Variants in METTL21C observed in about 807,000 individuals in gnomAD.
The protein encoded by METTL21C is methyltransferase 21C, AARS1 lysine, also known as protein-lysine methyltransferase METTL21C.
A neutral mutation model predicts 25.9 loss-of-function variants in METTL21C; 21 were observed. The observed-to-expected ratio is 0.81, with a 90% CI of 0.58 to 1.17. The LOEUF is 1.17. Ranked by LOEUF, METTL21C falls within the 50% of genes most tolerant of loss-of-function variation. The pLI, the probability that METTL21C is intolerant of heterozygous loss-of-function variation, is 0.00. For synonymous variants in METTL21C, 125 were observed against 124.7 expected (o/e 1.00, Z -0.01); for missense variants, 312 against 315.1 (o/e 0.99, Z 0.07).
At chr13:102,698,365 C>T (rs370037583), upstream of METTL21C, among the ~76,000 whole-genome samples, 70 of 152,248 alleles carry the variant, frequency 4.6e-4, no homozygotes, top group East Asian at 3.1e-3. Context: ...ATCATGAGGT[C>T]GGCCTGTTCT....
At position 102,685,940 on chromosome 13, in the gene METTL21C, C is replaced by T; in HGVS notation, c.*91G>A. 8 of 1,352,494 alleles carry T rather than the reference C, an allele frequency of 5.9e-6. No homozygotes were observed. The highest frequency in any genetic ancestry group is 8.0e-6 in the Non-Finnish European group (8 of 997,592). The allele number at this position is 1,352,494 out of a possible 1,614,324, so 83.8% of individuals were successfully genotyped here. A position where few individuals can be genotyped will look rare whatever the true frequency, so the allele number is the denominator to read the frequency against. The stretch of plus-strand genomic sequence containing the variant: ...ACAAGTTGTTTCTATGCACTACCTT[C>T]TCAATCCTGTGAAAGAAGTCTATTA... On this transcript the variant is annotated 3_prime_UTR_variant, in exon 4 of 4. Coordinates refer to ENST00000267273, the MANE Select transcript of METTL21C (RefSeq NM_001010977.3).
chr13:102,699,588 C>A (rs1886000456), upstream of METTL21C, among the ~76,000 whole-genome samples: 1 of 152,184 alleles, frequency 6.6e-6, no homozygotes, highest in African/African-American at 2.4e-5. Flanking sequence ...TGGGAATTCC[C>A]TCCCAGAGAA....
the METTL21C span, among the ~76,000 whole-genome samples, chr13:102,701,284 T>C: frequency 1.3e-5 from 2 of 152,116 alleles, no homozygotes; most frequent in African/African-American, 4.8e-5. Flanking sequence ...GTGGCCTAGA[T>C]GCGCCTCTTC....
At chr13:102,696,362 CA>C (rs1885947393), upstream of METTL21C, among the ~76,000 whole-genome samples, 2 of 151,540 alleles carry the variant, frequency 1.3e-5, no homozygotes, top group East Asian at 3.9e-4. Flanking sequence ...CTGGGCCTGT[CA>C]GGGGGTGGGG....
chr13:102,690,159 G>A (rs896532069), intron 2 of METTL21C, among the ~76,000 whole-genome samples: 7 of 152,118 alleles, frequency 4.6e-5, no homozygotes, highest in Non-Finnish European at 8.8e-5. Flanking sequence ...GGTGGTTCAC[G>A]CTTGTAATCC....
At chr13:102,690,711 A>G in intron 2 of METTL21C, 102 bp downstream of exon 2, 1 of 1,369,770 alleles carries the variant, frequency 7.3e-7, no homozygotes, top group Non-Finnish European at 9.9e-7. Context: ...CAAATTGAGA[A>G]GCAGGATATG....
Position 102,685,853 on chromosome 13 carries a change from AATCT to A in METTL21C, c.*174_*177del. ...TTTTAGATATTTAGATTAACCAGAT[AATCT>A]TAAATTATCTTAGAAATTAGAAAGT... On this transcript the variant is annotated 3_prime_UTR_variant, in exon 4 of 4. Transcript: ENST00000267273. The A allele has an allele frequency of 3.5e-6, 2 of 569,266 alleles. No individual in the cohort carries two copies. The highest frequency in any genetic ancestry group is 7.3e-5 in the South Asian group (2 of 27,420). 35.3% of individuals were successfully genotyped at this position (569,266 alleles called of 1,614,324 possible).
upstream of METTL21C, among the ~76,000 whole-genome samples, chr13:102,695,623 G>T (rs1885934707): frequency 6.6e-6 from 1 of 152,122 alleles, no homozygotes; most frequent in African/African-American, 2.4e-5. Context: ...ACTATTTTGT[G>T]TTCTTTATGT....
chr13:102,699,805 C>CG (rs1215295718), upstream of METTL21C, among the ~76,000 whole-genome samples: 1 of 152,154 alleles, frequency 6.6e-6, no homozygotes, highest in East Asian at 1.9e-4. Context: ...CTGCAATACC[C>CG]CCCCGACCCA....
chr13:102,689,411 G>C (rs1310025747), intron 2 of METTL21C, among the ~76,000 whole-genome samples: 2 of 152,232 alleles, frequency 1.3e-5, no homozygotes, highest in African/African-American at 2.4e-5. Flanking sequence ...CTGTTTGGGA[G>C]TGAGTGAAGG....
chr13:102,688,670 G>A (rs938644913), intron 2 of METTL21C, among the ~76,000 whole-genome samples: 2 of 152,158 alleles, frequency 1.3e-5, no homozygotes, highest in Admixed American at 6.5e-5. Flanking sequence ...ATTTGCTGTG[G>A]GGGCTGGGAG....
At chr13:102,692,070 G>A (rs1160007424) in intron 1 of METTL21C, among the ~76,000 whole-genome samples, 1 of 152,144 alleles carries the variant, frequency 6.6e-6, no homozygotes, top group Non-Finnish European at 1.5e-5. Context: ...GGTCAGTTTT[G>A]TTTGCACGAA....
At chr13:102,698,764 A>G (rs970850761), upstream of METTL21C, among the ~76,000 whole-genome samples, 1 of 149,848 alleles carries the variant, frequency 6.7e-6, no homozygotes, top group African/African-American at 2.5e-5. Flanking sequence ...CAATCATTAA[A>G]CTCTTTCTCT....
chr13:102,686,867 G>A, intron 3 of METTL21C, 73 bp downstream of exon 3: 1 of 1,237,228 alleles, frequency 8.1e-7, no homozygotes, highest in South Asian at 1.2e-5. Flanking sequence ...ACCACAGCCT[G>A]TCATAGAGTA....
chr13:102,702,962 A>G, the METTL21C span, among the ~76,000 whole-genome samples: 1 of 152,256 alleles, frequency 6.6e-6, no homozygotes, highest in Non-Finnish European at 1.5e-5. Flanking sequence ...GCCATTTGCT[A>G]TATAACAATA....
chr13:102,698,025 G>A (rs1202589536), upstream of METTL21C, among the ~76,000 whole-genome samples: 1 of 152,186 alleles, frequency 6.6e-6, no homozygotes, highest in African/African-American at 2.4e-5. Context: ...ACACATGAGC[G>A]AGGCCAGGAC....
chr13:102,687,131 A>C lies in METTL21C; in HGVS notation c.283-74T>G, dbSNP rs1277688370. The stretch of plus-strand genomic sequence containing the variant: ...CAGTAGCAACCCTTTCTGGCACCCA[A>C]ATTTAAATACTAAAAGACATGTTAT... On this transcript the variant is annotated intron_variant, in intron 2 of 3. Transcript: ENST00000267273. The C allele has an allele frequency of 1.6e-5, 17 of 1,060,214 alleles. No homozygotes were observed. In the East Asian group the frequency reaches 4.0e-4, roughly 25 times the overall value. The allele number at this position is 1,060,214 out of a possible 1,614,324, so 65.7% of individuals were successfully genotyped here.
intron 3 of METTL21C, 145 bp downstream of exon 3, chr13:102,686,795 T>A (rs1885687417): frequency 1.1e-5 from 7 of 655,600 alleles, no homozygotes; most frequent in Non-Finnish European, 1.9e-5. Context: ...ATAACAGCAG[T>A]AATTCCTGCC....
chr13:102,698,457 G>T (rs1566392549), upstream of METTL21C, among the ~76,000 whole-genome samples: 1 of 152,252 alleles, frequency 6.6e-6, no homozygotes, highest in African/African-American at 2.4e-5. Flanking sequence ...CCCCTTATCT[G>T]CTCTAGAGAT....
Sources: gnomAD v4.1 joint callset for allele counts (sites outside exome capture counted in the v4.1 genomes callset) on GRCh38, gnomAD v4.1.1 for gene constraint, MANE v1.5 for transcripts, NCBI Gene and HGNC (gene_info 2026-07-23, HGNC 2026-07-21) for gene names.